Variants in NAA40 observed in about 807,000 individuals in gnomAD.
The protein encoded by NAA40 is N-alpha-acetyltransferase 40.
A neutral mutation model predicts 36.6 loss-of-function variants in NAA40; 26 were observed. That is an observed-to-expected ratio of 0.71 (90% CI 0.52 to 0.98). The LOEUF (loss-of-function observed/expected upper bound fraction) is 0.98. Among genes scored for constraint, NAA40 ranks in the 50% least tolerant of loss-of-function variants. The probability of loss-of-function intolerance (pLI) is 0.00; values close to 1 mark genes in which losing one functional copy is unlikely to be tolerated. For synonymous variants in NAA40, 129 were observed against 108.4 expected (o/e 1.19, Z -1.18); for missense variants, 237 against 306.5 (o/e 0.77, Z 1.69).
chr11:63,947,511 A>G (rs1942206892), intron 3 of NAA40, among the ~76,000 whole-genome samples: 1 of 152,172 alleles, frequency 6.6e-6, no homozygotes, highest in Non-Finnish European at 1.5e-5. Context: ...TAAATGAGCA[A>G]AGATTGCACT....
In NAA40 at chr11:63,949,157, G is replaced by T. The variant is rs1046987624; in HGVS notation, c.155+2154G>T. Among the ~76,000 whole-genome samples the T allele has an allele frequency of 4.6e-5, 7 of 152,158 alleles. No homozygotes were observed. The East Asian group carries it at 1.2e-3, about 25-fold the overall frequency. On this transcript the variant is annotated intron_variant, in intron 3 of 7. Transcript: ENST00000377793. ...GCCATGGTAGCAGCATTGCACTCTAGCCTGGGTGACAGCAAGATCCTGTCT... is the reference window on the plus strand; with the variant it reads ...GCCATGGTAGCAGCATTGCACTCTATCCTGGGTGACAGCAAGATCCTGTCT...
chr11:63,945,750 T>A, intron 1 of NAA40, 90 bp from the exon 2 acceptor site: 1 of 1,130,862 alleles, frequency 8.8e-7, no homozygotes, highest in Non-Finnish European at 1.3e-6. Flanking sequence ...GCCAGGCCTG[T>A]GGATGCAGGG....
In NAA40 at chr11:63,956,342, A is replaced by G. The variant is rs1344950461; in HGVS notation, c.*1863A>G. The G allele has an allele frequency of 6.6e-6, 1 of 152,532 alleles. No homozygotes were observed. Among genetic ancestry groups the G allele is most frequent in the Non-Finnish European group, 1.5e-5 (1 of 68,032 alleles). The allele number at this position is 152,532 out of a possible 1,614,324, so 9.4% of individuals were successfully genotyped here. A position where few individuals can be genotyped will look rare whatever the true frequency, so the allele number is the denominator to read the frequency against. Reference sequence around the variant, plus strand: ...GGTCCCTGTCTCTGAAAGGACACAGATGCTAAATATTTATTGTCTTAGATC... The same window carrying G: ...GGTCCCTGTCTCTGAAAGGACACAGGTGCTAAATATTTATTGTCTTAGATC... On this transcript the variant is annotated 3_prime_UTR_variant, in exon 8 of 8. Transcript: ENST00000377793.
intron 3 of NAA40, among the ~76,000 whole-genome samples, chr11:63,948,649 C>T (rs1031039997): frequency 2.6e-5 from 4 of 152,004 alleles, no homozygotes; most frequent in African/African-American, 7.2e-5. Context: ...ACCCGGGAGG[C>T]GGAGCTTGCA....
chr11:63,942,156 C>T (rs1942118775), intron 1 of NAA40, among the ~76,000 whole-genome samples: 1 of 152,092 alleles, frequency 6.6e-6, no homozygotes, highest in South Asian at 2.1e-4. Flanking sequence ...CTACCCTCAC[C>T]TCATGGGGAG....
At chr11:63,942,582 C>T (rs969170476) in intron 1 of NAA40, among the ~76,000 whole-genome samples, 7 of 152,216 alleles carry the variant, frequency 4.6e-5, no homozygotes, top group African/African-American at 1.4e-4. Flanking sequence ...TTGGAAAAGA[C>T]ACTTAACCAC....
At chr11:63,945,980 C>T (rs1942179800) in intron 2 of NAA40, 45 bp downstream of exon 2, 1 of 1,548,460 alleles carries the variant, frequency 6.5e-7, no homozygotes, top group African/African-American at 1.4e-5. Flanking sequence ...GGGACTTCAG[C>T]TTGGTTTATA....
chr11:63,943,822 CATA>C (rs1456981644), intron 1 of NAA40, among the ~76,000 whole-genome samples: 2 of 152,134 alleles, frequency 1.3e-5, no homozygotes, highest in African/African-American at 2.4e-5. Context: ...AAAAAAGAAA[CATA>C]ATGTTTGTAA....
intron 1 of NAA40, among the ~76,000 whole-genome samples, chr11:63,942,269 A>G (rs558454018): frequency 5.9e-5 from 9 of 152,342 alleles, no homozygotes; most frequent in African/African-American, 1.9e-4. Context: ...TTCTCATCAA[A>G]GAAGTAGTCA....
rs1942335304 is a variant in NAA40 at position 63,954,604 on chromosome 11, CCT to C, written c.*126_*127del. ...CAGCCCTGCACGTGCCAGGCTGCGC[CCT>C]GAGAGCACAGAACCCTGGGGAGAAG... On this transcript the variant is annotated 3_prime_UTR_variant, in exon 8 of 8. Transcript: ENST00000377793. 4 of 1,113,326 alleles carry C rather than the reference CCT, an allele frequency of 3.6e-6. No individual in the cohort carries two copies. Among genetic ancestry groups the C allele is most frequent in the Non-Finnish European group, 4.9e-6 (4 of 817,744 alleles). 69.0% of individuals were successfully genotyped at this position (1,113,326 alleles called of 1,614,324 possible). A position where few individuals can be genotyped will look rare whatever the true frequency, so the allele number is the denominator to read the frequency against.
chr11:63,944,270 G>C (rs760520130), intron 1 of NAA40, among the ~76,000 whole-genome samples: 1 of 152,146 alleles, frequency 6.6e-6, no homozygotes, highest in Non-Finnish European at 1.5e-5. Context: ...GGGCCAGTCC[G>C]TGTCAGGGCT....
chr11:63,951,209 G>A (rs781318222), intron 3 of NAA40, among the ~76,000 whole-genome samples: 2 of 152,132 alleles, frequency 1.3e-5, no homozygotes, highest in Non-Finnish European at 2.9e-5. Context: ...TGCTCTCTAG[G>A]GAATGTGATT....
Position 63,954,589 on chromosome 11 carries a change from C to T in NAA40, c.*110C>T, listed in dbSNP as rs567413053. 45 of 1,302,712 alleles carry T rather than the reference C, an allele frequency of 3.5e-5. No individual in the cohort carries two copies. The highest frequency in any genetic ancestry group is 3.2e-4 in the South Asian group (19 of 58,498). The allele number at this position is 1,302,712 out of a possible 1,614,324, so 80.7% of individuals were successfully genotyped here. Reference sequence around the variant, plus strand: ...GAGCTGTGGCCTCCCCAGCCCTGCACGTGCCAGGCTGCGCCCTGAGAGCAC... The same window carrying T: ...GAGCTGTGGCCTCCCCAGCCCTGCATGTGCCAGGCTGCGCCCTGAGAGCAC... On this transcript the variant is annotated 3_prime_UTR_variant, in exon 8 of 8. Transcript: ENST00000377793.
intron 1 of NAA40, among the ~76,000 whole-genome samples, chr11:63,944,877 T>G: frequency 1.6e-5 from 2 of 128,160 alleles, no homozygotes; most frequent in Non-Finnish European, 3.1e-5. Flanking sequence ...CATTCCAGCT[T>G]GGGTGAAAGA....
intron 1 of NAA40, among the ~76,000 whole-genome samples, chr11:63,940,196 G>A (rs1240554837): frequency 6.6e-6 from 1 of 151,824 alleles, no homozygotes; most frequent in Non-Finnish European, 1.5e-5. Flanking sequence ...GATTACAGGC[G>A]CCCGCTACTA....
chr11:63,948,496 A>T (rs1005265834), intron 3 of NAA40, among the ~76,000 whole-genome samples: 1 of 150,768 alleles, frequency 6.6e-6, no homozygotes, highest in Admixed American at 6.6e-5. Flanking sequence ...AGGTGGGCGG[A>T]TCACGAGGTC....
rs200679264 is a variant in NAA40 at position 63,949,193 on chromosome 11, C to CA, written c.155+2195dup. Among the ~76,000 whole-genome samples, 306 of 152,136 alleles carry CA rather than the reference C, an allele frequency of 2.0e-3. 9 individuals are homozygous for CA. The East Asian group carries it at 0.045, about 22-fold the overall frequency. ...AGCAAGATCCTGTCTCAAAACAAAACAAAAACCCAAAAACCAAAAATGGTT... is the reference window on the plus strand; with the variant it reads ...AGCAAGATCCTGTCTCAAAACAAAACAAAAAACCCAAAAACCAAAAATGGTT... On this transcript the variant is annotated intron_variant, in intron 3 of 7. Transcript: ENST00000377793.
Position 63,954,624 on chromosome 11 carries a change from G to T in NAA40, c.*145G>T, listed in dbSNP as rs765782919. On this transcript the variant is annotated 3_prime_UTR_variant, in exon 8 of 8. Transcript: ENST00000377793. ...TGCGCCCTGAGAGCACAGAACCCTG[G>T]GGAGAAGTGGTATCAGCTGCTCCTC... 2 of 840,486 alleles carry T rather than the reference G, an allele frequency of 2.4e-6. No individual in the cohort carries two copies. The highest frequency in any genetic ancestry group is 3.1e-5 in the East Asian group (1 of 32,520). 52.1% of individuals were successfully genotyped at this position (840,486 alleles called of 1,614,324 possible).
rs1240816452 is a variant in NAA40, at chr11:63,955,551, G to C, written c.*1072G>C. The C allele has an allele frequency of 4.6e-5, 7 of 152,746 alleles. No individual in the cohort carries two copies. The highest frequency in any genetic ancestry group is 8.8e-5 in the Non-Finnish European group (6 of 68,120). 9.5% of individuals were successfully genotyped at this position (152,746 alleles called of 1,614,324 possible). On this transcript the variant is annotated 3_prime_UTR_variant, in exon 8 of 8. Transcript: ENST00000377793. ...CCCCCAGCCAGCAGCAGGCCCCTCTGCCTGCACTCCTCAGGCTTGCCCCTC... is the reference window on the plus strand; with the variant it reads ...CCCCCAGCCAGCAGCAGGCCCCTCTCCCTGCACTCCTCAGGCTTGCCCCTC...
Sources: allele counts gnomAD v4.1 joint callset (sites outside exome capture counted in the v4.1 genomes callset), GRCh38; gene constraint gnomAD v4.1.1; transcripts MANE v1.5; gene names NCBI Gene and HGNC (gene_info 2026-07-23, HGNC 2026-07-21).